The following PHIP variants were observed in gnomAD, a reference collection of about 807,000 sequenced individuals.
The protein encoded by PHIP is PHIP subunit of CUL4-Ring ligase complex.
A neutral mutation model predicts 236.8 loss-of-function variants in PHIP; 54 were observed. The ratio of observed to expected loss-of-function variants is 0.23; its 90% CI spans 0.18 to 0.29. The LOEUF (loss-of-function observed/expected upper bound fraction) is 0.29, where lower values mean the gene tolerates loss of function less well. Among genes scored for constraint, PHIP ranks in the 10% least tolerant of loss-of-function variants. The pLI, the probability that PHIP is intolerant of heterozygous loss-of-function variation, is 1.00. For missense variants in PHIP, 1,370 were observed against 2,190.8 expected, an observed-to-expected ratio of 0.63 and a Z score of 7.48; for synonymous variants, 756 against 718.9, an observed-to-expected ratio of 1.05 and a Z score of -0.83.
intron 7 of PHIP, among the ~76,000 whole-genome samples, chr6:79,026,561 C>A (rs1314593571): frequency 1.3e-5 from 2 of 151,690 alleles, no homozygotes; most frequent in East Asian, 1.9e-4. Context: ...TAAAAGTAAG[C>A]TTGTTTGGGG....
At chr6:78,993,725 T>C (rs1341293514) in intron 19 of PHIP, among the ~76,000 whole-genome samples, 2 of 152,228 alleles carry the variant, frequency 1.3e-5, no homozygotes, top group East Asian at 3.8e-4. Flanking sequence ...TCATTGACAA[T>C]GCCCCTAATC....
At chr6:79,040,089 CAGT>C (rs1562200717) in intron 7 of PHIP, among the ~76,000 whole-genome samples, 1 of 152,022 alleles carries the variant, frequency 6.6e-6, no homozygotes, top group Non-Finnish European at 1.5e-5. Context: ...CTATAAGTAG[CAGT>C]AGGAAAAACC....
chr6:79,063,562 C>A (rs1049446031), intron 4 of PHIP, among the ~76,000 whole-genome samples: 8 of 151,958 alleles, frequency 5.3e-5, no homozygotes, highest in Non-Finnish European at 1.2e-4. Context: ...ATTACAGGCG[C>A]CCCACCACCT....
chr6:79,048,126 C>T (rs1429139300), intron 6 of PHIP, among the ~76,000 whole-genome samples: 1 of 151,504 alleles, frequency 6.6e-6, no homozygotes, highest in East Asian at 1.9e-4. Flanking sequence ...TCTCATAAGT[C>T]CACGTAAAAA....
chr6:78,961,610 G>GA, intron 31 of PHIP, 80 bp downstream of exon 31: 1 of 1,438,928 alleles, frequency 6.9e-7, no homozygotes, highest in Non-Finnish European at 9.6e-7. Context: ...AAAAAGTTGA[G>GA]AAACACTGCT....
At chr6:79,011,839 T>C (rs1003336329) in intron 15 of PHIP, among the ~76,000 whole-genome samples, 1 of 151,712 alleles carries the variant, frequency 6.6e-6, no homozygotes, top group Non-Finnish European at 1.5e-5. Context: ...CAAATTTAGA[T>C]GGTCCCAAAA....
At chr6:78,971,486 T>G (rs189847340) in intron 24 of PHIP, among the ~76,000 whole-genome samples, 1 of 152,326 alleles carries the variant, frequency 6.6e-6, no homozygotes, top group African/African-American at 2.4e-5. Context: ...TATCCCATAC[T>G]TTCATTCTAT....
intron 9 of PHIP, among the ~76,000 whole-genome samples, chr6:79,022,999 G>T (rs1213316144): frequency 1.3e-5 from 2 of 152,224 alleles, no homozygotes; most frequent in Middle Eastern, 3.4e-3. Flanking sequence ...CCAAATTTTT[G>T]GCAGTTTTCA....
intron 20 of PHIP, among the ~76,000 whole-genome samples, chr6:78,990,051 A>C (rs1209492490): frequency 6.6e-6 from 1 of 151,748 alleles, no homozygotes; most frequent in Non-Finnish European, 1.5e-5. Context: ...CTAGAGAAGA[A>C]GACTGATTTA....
In PHIP at chr6:79,060,729, A is replaced by G. The variant is rs1400039443; in HGVS notation, c.279T>C (p.Ser93=). 1.2e-6 allele frequency: 2 copies of G among 1,613,300 alleles called. No homozygotes were observed. The highest frequency in any genetic ancestry group is 1.3e-5 in the African/African-American group (1 of 75,038). ...GPLLEQEIPQ[S]VPGVQTLLGA... is the part of the protein sequence containing the mutation. ...CTAATAAAGTTTGTACTCCAGGAAC[A>G]CTTTGAGGAATTTCTTGTTCAAGAA... The change falls in exon 5 of 40, where the codon AGT becomes AGC. Residue 93 remains serine, a synonymous_variant. Coordinates refer to ENST00000275034, the MANE Select transcript of PHIP (RefSeq NM_017934.7).
At chr6:78,991,045 G>T in intron 19 of PHIP, 60 bp from the exon 20 acceptor site, 1 of 967,112 alleles carries the variant, frequency 1.0e-6, no homozygotes, top group Non-Finnish European at 1.6e-6. Context: ...TCCTCCAAAA[G>T]GAATGTTAGG....
At chr6:79,053,008 TCA>T (rs1273714937) in intron 6 of PHIP, among the ~76,000 whole-genome samples, 1 of 152,178 alleles carries the variant, frequency 6.6e-6, no homozygotes, top group African/African-American at 2.4e-5. Flanking sequence ...TTTCTAAGCT[TCA>T]GTTTCCTCAT....
intron 9 of PHIP, among the ~76,000 whole-genome samples, chr6:79,023,103 G>C (rs1307356279): frequency 6.6e-6 from 1 of 152,138 alleles, no homozygotes; most frequent in East Asian, 1.9e-4. Context: ...AATAAGACAG[G>C]ATCTTGGCCC....
chr6:79,040,620 G>A (rs1353315950), intron 7 of PHIP, among the ~76,000 whole-genome samples: 1 of 152,030 alleles, frequency 6.6e-6, no homozygotes, highest in East Asian at 1.9e-4. Flanking sequence ...TTAGCGTCTA[G>A]TCTGTGCCTA....
chr6:79,028,249 C>T (rs964726939), intron 7 of PHIP, among the ~76,000 whole-genome samples: 15 of 152,002 alleles, frequency 9.9e-5, no homozygotes, highest in African/African-American at 3.1e-4. Flanking sequence ...TAATGAGGGT[C>T]ACTGAAGATA....
In PHIP at chr6:78,945,997, T is replaced by C. The variant is rs1773791223; in HGVS notation, c.4630+4A>G. ...TACATTTCAATTTAGAAAGTGAGTC[T>C]TACTTGTTTTCCCTGGTATTGCAGA... On this transcript the variant is annotated splice_donor_region_variant and intron_variant, in intron 38 of 39. Transcript: ENST00000275034. The C allele has an allele frequency of 6.3e-7, 1 of 1,597,168 alleles. No individual in the cohort carries two copies. The highest frequency in any genetic ancestry group is 1.3e-5 in the African/African-American group (1 of 74,530).
chr6:79,064,641 A>T (rs1026606351), intron 4 of PHIP, among the ~76,000 whole-genome samples: 13 of 151,610 alleles, frequency 8.6e-5, no homozygotes, highest in Admixed American at 6.6e-4. Context: ...CTTTTGTGAC[A>T]CTCCTTGGCT....
chr6:79,072,544 T>G (rs1213492128), intron 4 of PHIP, among the ~76,000 whole-genome samples: 1 of 152,064 alleles, frequency 6.6e-6, no homozygotes, highest in Non-Finnish European at 1.5e-5. Flanking sequence ...GGCAGTGGCA[T>G]GGGGCACAGC....
chr6:78,960,067 G>A (rs1452922794), intron 31 of PHIP, among the ~76,000 whole-genome samples: 5 of 152,012 alleles, frequency 3.3e-5, no homozygotes, highest in Admixed American at 6.6e-5. Flanking sequence ...CACTGACATC[G>A]CTCAGCATCA....
Sources: gnomAD v4.1 joint callset for allele counts (sites outside exome capture counted in the v4.1 genomes callset) on GRCh38, gnomAD v4.1.1 for gene constraint, MANE v1.5 for transcripts, NCBI Gene and HGNC (gene_info 2026-07-23, HGNC 2026-07-21) for gene names.